MRPL42: variants seen among roughly 807,000 people sequenced by gnomAD.
MRPL42 encodes the protein mitochondrial ribosomal protein L42.
A neutral mutation model predicts 17.9 loss-of-function variants in MRPL42; 17 were observed. The observed-to-expected ratio is 0.95, with a 90% CI of 0.65 to 1.42. The LOEUF is 1.42. MRPL42 is among the 40% of genes most tolerant of loss of function. MRPL42 has a pLI of 0.00. For missense variants in MRPL42, 177 were observed against 175.2 expected, an observed-to-expected ratio of 1.01 and a Z score of -0.06; for synonymous variants, 59 against 54.4, an observed-to-expected ratio of 1.08 and a Z score of -0.37.
rs1044910496 is a variant in MRPL42 at position 93,515,616 on chromosome 12, GC to G, written c.*14396del. ...GCTCCTGACCTCAAGTGATTCGCCC[GC>G]GTCGGCCTCCCAAAGGGCTGGGATT... On this transcript the variant is annotated 3_prime_UTR_variant, in exon 6 of 6. Transcript: ENST00000549982. 5 of 152,140 alleles carry G rather than the reference GC, an allele frequency of 3.3e-5. No homozygotes were observed. Among genetic ancestry groups the G allele is most frequent in the Non-Finnish European group, 5.9e-5 (4 of 68,050 alleles). The allele number at this position is 152,140 out of a possible 1,614,324, so 9.4% of individuals were successfully genotyped here.
chr12:93,472,428 T>C (rs1262483410), intron 2 of MRPL42, among the ~76,000 whole-genome samples: 1 of 151,952 alleles, frequency 6.6e-6, no homozygotes, highest in Non-Finnish European at 1.5e-5. Context: ...TTACAAAAAT[T>C]AGCTGGGCGA....
intron 5 of MRPL42, among the ~76,000 whole-genome samples, chr12:93,499,740 T>A (rs189500526): frequency 6.6e-6 from 1 of 152,312 alleles, no homozygotes; most frequent in Non-Finnish European, 1.5e-5. Flanking sequence ...CTTCGTTCAT[T>A]TCAACTTAAT....
chr12:93,480,173 G>A (rs1880388681), intron 4 of MRPL42, among the ~76,000 whole-genome samples: 1 of 152,092 alleles, frequency 6.6e-6, no homozygotes, highest in Non-Finnish European at 1.5e-5. Flanking sequence ...CCAGGCAGGA[G>A]TGCAGTGGCG....
chr12:93,508,756 GC>G lies in MRPL42; in HGVS notation c.*7539del, dbSNP rs760619963. On this transcript the variant is annotated 3_prime_UTR_variant, in exon 6 of 6. Coordinates refer to ENST00000549982, the MANE Select transcript of MRPL42 (RefSeq NM_014050.4). ...CTTTCATTTTTTCTTCCCGTAAGCA[GC>G]CCCGAACACTTACTTATAAGCCATC... is the stretch of plus-strand genomic sequence containing the variant. 2.0e-5 allele frequency: 3 copies of G among 152,118 alleles called. No homozygotes were observed. Among genetic ancestry groups the G allele is most frequent in the Non-Finnish European group, 4.4e-5 (3 of 68,046 alleles). 9.4% of individuals were successfully genotyped at this position (152,118 alleles called of 1,614,324 possible). A position where few individuals can be genotyped will look rare whatever the true frequency, so the allele number is the denominator to read the frequency against.
rs1245308703 is a variant in MRPL42, at chr12:93,511,051, C to A, written c.*9830C>A. The A allele has an allele frequency of 6.6e-6, 1 of 152,034 alleles. No homozygotes were observed. The highest frequency in any genetic ancestry group is 1.5e-5 in the Non-Finnish European group (1 of 68,016). The allele number at this position is 152,034 out of a possible 1,614,324, so 9.4% of individuals were successfully genotyped here. ...TTCTGAATGCAACAGTATTAGTAAACCTAATGGTGACAATAAAAGCGATTC... is the reference window on the plus strand; with the variant it reads ...TTCTGAATGCAACAGTATTAGTAAAACTAATGGTGACAATAAAAGCGATTC... On this transcript the variant is annotated 3_prime_UTR_variant, in exon 6 of 6. Transcript: ENST00000549982.
At chr12:93,471,623 A>G (rs1879915963) in intron 2 of MRPL42, among the ~76,000 whole-genome samples, 1 of 152,156 alleles carries the variant, frequency 6.6e-6, no homozygotes, top group South Asian at 2.1e-4. Flanking sequence ...TCTTATAGGA[A>G]GCTTTCCATC....
At chr12:93,486,967 C>T (rs892885197) in intron 4 of MRPL42, among the ~76,000 whole-genome samples, 1 of 151,882 alleles carries the variant, frequency 6.6e-6, no homozygotes, top group Non-Finnish European at 1.5e-5. Flanking sequence ...CCCGGCCTTT[C>T]TATTTTTCTT....
chr12:93,469,936 T>C (rs1879823818), intron 2 of MRPL42, among the ~76,000 whole-genome samples: 1 of 151,980 alleles, frequency 6.6e-6, no homozygotes, highest in Non-Finnish European at 1.5e-5. Flanking sequence ...AAGGGTAACT[T>C]TCTCTTGTTC....
At chr12:93,485,840 C>T (rs559990697) in intron 4 of MRPL42, among the ~76,000 whole-genome samples, 2 of 152,196 alleles carry the variant, frequency 1.3e-5, no homozygotes, top group South Asian at 2.1e-4. Context: ...GACAGGGTCT[C>T]ACTCTTGCTC....
intron 4 of MRPL42, among the ~76,000 whole-genome samples, chr12:93,484,749 A>G (rs997307908): frequency 6.6e-6 from 1 of 151,290 alleles, no homozygotes; most frequent in African/African-American, 2.4e-5. Flanking sequence ...GGCATGCACC[A>G]CAACACCTGG....
At chr12:93,487,433 T>A in intron 4 of MRPL42, 64 bp from the exon 5 acceptor site, 1 of 1,438,450 alleles carries the variant, frequency 7.0e-7, no homozygotes. Context: ...TTTATTGTGA[T>A]CTCAAACAAA....
intron 1 of MRPL42, among the ~76,000 whole-genome samples, chr12:93,468,723 T>TTTATTA (rs889341261): frequency 2.4e-4 from 37 of 152,066 alleles, no homozygotes; most frequent in Admixed American, 1.8e-3. Context: ...TTGATATTTC[T>TTTATTA]TTATTATTAT....
At chr12:93,501,058 G>C in intron 5 of MRPL42, 118 bp from the exon 6 acceptor site, 1 of 742,032 alleles carries the variant, frequency 1.3e-6, no homozygotes, top group Non-Finnish European at 2.1e-6. Context: ...CTGATACGTA[G>C]TTTCATTGAT....
intron 3 of MRPL42, among the ~76,000 whole-genome samples, chr12:93,478,119 G>C (rs1880270073): frequency 6.6e-6 from 1 of 151,528 alleles, no homozygotes; most frequent in African/African-American, 2.4e-5. Flanking sequence ...ACCACACCCA[G>C]CTAATTGTGT....
chr12:93,485,502 T>A (rs1880700800), intron 4 of MRPL42, among the ~76,000 whole-genome samples: 1 of 152,088 alleles, frequency 6.6e-6, no homozygotes, highest in Non-Finnish European at 1.5e-5. Flanking sequence ...ATATATGCTA[T>A]AATATTTAAT....
Position 93,507,559 on chromosome 12 carries a change from TG to T in MRPL42, c.*6340del, listed in dbSNP as rs1456110839. 6.6e-6 allele frequency: 1 copy of T among 152,246 alleles called. No homozygotes were observed. The highest frequency in any genetic ancestry group is 1.9e-4 in the East Asian group (1 of 5,202). The allele number at this position is 152,246 out of a possible 1,614,324, so 9.4% of individuals were successfully genotyped here. On this transcript the variant is annotated 3_prime_UTR_variant, in exon 6 of 6. Coordinates refer to ENST00000549982, the MANE Select transcript of MRPL42 (RefSeq NM_014050.4). ...ATTAACAAATCACCCCAAAGCTCAT[TG>T]GCTTAAAACAACAATCTTTCATTAG... is the stretch of plus-strand genomic sequence containing the variant.
intron 2 of MRPL42, among the ~76,000 whole-genome samples, chr12:93,471,514 T>A (rs1443047368): frequency 6.6e-6 from 1 of 151,958 alleles, no homozygotes; most frequent in Non-Finnish European, 1.5e-5. Context: ...TGGCCAAAAC[T>A]GGTCTCAAAC....
Position 93,467,551 on chromosome 12 carries a change from C to T in MRPL42, c.-98C>T, listed in dbSNP as rs878911769. 3 of 152,654 alleles carry T rather than the reference C, an allele frequency of 2.0e-5. No individual in the cohort carries two copies. The highest frequency in any genetic ancestry group is 2.1e-4 in the South Asian group (1 of 4,838). 9.5% of individuals were successfully genotyped at this position (152,654 alleles called of 1,614,324 possible). A position where few individuals can be genotyped will look rare whatever the true frequency, so the allele number is the denominator to read the frequency against. ...TGGCGGGTTCGTGGTGAGAAGCCGT[C>T]AAGGTAACCGCTTCCCTCTACTCCT... On this transcript the variant is annotated 5_prime_UTR_variant, in exon 1 of 6. Coordinates refer to ENST00000549982, the MANE Select transcript of MRPL42 (RefSeq NM_014050.4).
chr12:93,490,564 C>T (rs1687618219), intron 5 of MRPL42, among the ~76,000 whole-genome samples: 1 of 152,140 alleles, frequency 6.6e-6, no homozygotes, highest in African/African-American at 2.4e-5. Context: ...TTGATATCTA[C>T]ATATGTATTT....
Sources: gnomAD v4.1 joint callset for allele counts (sites outside exome capture counted in the v4.1 genomes callset) on GRCh38, gnomAD v4.1.1 for gene constraint, MANE v1.5 for transcripts, NCBI Gene and HGNC (gene_info 2026-07-23, HGNC 2026-07-21) for gene names.